The following LHPP variants were observed in gnomAD, a reference collection of about 807,000 sequenced individuals.
LHPP encodes the protein hLHPP.
In LHPP, 24 loss-of-function variants were observed where a neutral mutation model predicts 30.3. The ratio of observed to expected loss-of-function variants is 0.79; its 90% CI spans 0.57 to 1.11. The LOEUF (loss-of-function observed/expected upper bound fraction) is 1.11. LHPP is among the 50% of genes most tolerant of loss of function. The pLI is 0.00. For missense variants in LHPP, 356 were observed against 367.2 expected (o/e 0.97, Z 0.25); for synonymous variants, 150 against 157.1 (o/e 0.95, Z 0.34).
In LHPP at chr10:124,517,367, C is replaced by G. The variant is rs1589821229; in HGVS notation, c.716+96C>G. The G allele has an allele frequency of 1.7e-5, 14 of 817,240 alleles. No homozygotes were observed. The East Asian group carries it at 3.8e-4, about 22-fold the overall frequency. 50.6% of individuals were successfully genotyped at this position (817,240 alleles called of 1,614,324 possible). A position where few individuals can be genotyped will look rare whatever the true frequency, so the allele number is the denominator to read the frequency against. ...CTTCAAAATAAAGGGGATATTCTTT[C>G]CAAATCAAAGAGCAGTATGTGGGCA... On this transcript the variant is annotated intron_variant, in intron 6 of 6. Coordinates refer to ENST00000368842, the MANE Select transcript of LHPP (RefSeq NM_022126.4). The surrounding 1 kb of genome is among the most constrained non-coding windows in gnomAD (Gnocchi z 4.1).
chr10:124,552,042 C>T (rs983189556), intron 6 of LHPP, among the ~76,000 whole-genome samples: 16 of 152,080 alleles, frequency 1.1e-4, no homozygotes, highest in East Asian at 1.9e-4. Flanking sequence ...TTCCAGGCTT[C>T]GTGGGACTTC....
At chr10:124,561,769 TTAAA>T (rs1415759425) in intron 6 of LHPP, among the ~76,000 whole-genome samples, 2 of 151,696 alleles carry the variant, frequency 1.3e-5, no homozygotes, top group African/African-American at 4.8e-5. Flanking sequence ...AAGGGAAGGT[TTAAA>T]TAAGACTCAG....
chr10:124,513,881 A>T (rs1015862376), intron 5 of LHPP, among the ~76,000 whole-genome samples: 2 of 151,824 alleles, frequency 1.3e-5, no homozygotes, highest in African/African-American at 2.4e-5. Flanking sequence ...TTTCAGCCAC[A>T]CTGGCGAGGA....
chr10:124,548,245 G>C (rs1183622161), intron 6 of LHPP, among the ~76,000 whole-genome samples: 3 of 151,606 alleles, frequency 2.0e-5, no homozygotes, highest in Admixed American at 1.3e-4. Context: ...GGGGCCCCAT[G>C]CTGCCTCTGC....
chr10:124,573,594 A>G (rs1948617404), intron 6 of LHPP, among the ~76,000 whole-genome samples: 2 of 152,250 alleles, frequency 1.3e-5, no homozygotes, highest in Admixed American at 1.3e-4. Flanking sequence ...TACAGGCATG[A>G]ACCACTATAT....
At chr10:124,558,480 G>C (rs778120413) in intron 6 of LHPP, among the ~76,000 whole-genome samples, 1 of 152,228 alleles carries the variant, frequency 6.6e-6, no homozygotes, top group South Asian at 2.1e-4. Context: ...CTCTGTCCCC[G>C]CTTGGCGTTG....
intron 1 of LHPP, 70 bp downstream of exon 1, chr10:124,462,057 G>C (rs894649040): frequency 1.7e-6 from 2 of 1,172,402 alleles, no homozygotes; most frequent in African/African-American, 3.2e-5. Flanking sequence ...GCTGCCGGCA[G>C]GGGGCGGGGC....
At chr10:124,558,493 G>A (rs1216299241) in intron 6 of LHPP, among the ~76,000 whole-genome samples, 1 of 152,222 alleles carries the variant, frequency 6.6e-6, no homozygotes, top group Non-Finnish European at 1.5e-5. Flanking sequence ...TGGCGTTGGA[G>A]CGTCTCAGCC....
chr10:124,516,220 A>G (rs12773190), intron 5 of LHPP, among the ~76,000 whole-genome samples: 58,712 of 152,100 alleles, frequency 0.39, 12,426 homozygotes, highest in African/African-American at 0.57. Flanking sequence ...CTCTCTTCCC[A>G]GCTTGTAGAT....
Position 124,603,596 on chromosome 10 carries a change from C to T in LHPP, c.717-9668C>T, listed in dbSNP as rs139900475. 4.1e-3 allele frequency among the ~76,000 whole-genome samples: 631 copies of T among 152,260 alleles called. 6 individuals carry two copies. The highest frequency in any genetic ancestry group is 0.014 in the African/African-American group (597 of 41,546). ...TTTTTCTGCCAAGTGACTTCAAAGC[C>T]GCCCGAGAAGGTCCTGTATGTGTGA... On this transcript the variant is annotated intron_variant, in intron 6 of 6. Coordinates refer to ENST00000368842, the MANE Select transcript of LHPP (RefSeq NM_022126.4).
Position 124,488,515 on chromosome 10 carries a change from A to G in LHPP, c.407A>G (p.Asn136Ser). 6.2e-7 allele frequency: 1 copy of G among 1,614,050 alleles called. No homozygotes were observed. Among genetic ancestry groups the G allele is most frequent in the Non-Finnish European group, 8.5e-7 (1 of 1,180,012 alleles). ...AGESFSYQNM[N>S]NAFQVLMELE... ...GAAAGCTTTTCTTATCAAAACATGA[A>G]TAACGCCTTCCAGGTGCTCATGGAG... is the stretch of plus-strand genomic sequence containing the variant. The change falls in exon 3 of 7, where the codon AAT becomes AGT. Residue 136 changes from asparagine to serine, a missense_variant. Coordinates refer to ENST00000368842, the MANE Select transcript of LHPP (RefSeq NM_022126.4).
chr10:124,485,935 T>C (rs1953311528), intron 2 of LHPP, among the ~76,000 whole-genome samples: 1 of 152,206 alleles, frequency 6.6e-6, no homozygotes, highest in South Asian at 2.1e-4. Flanking sequence ...TCACCTAGAT[T>C]GTCAATGACA....
intron 6 of LHPP, among the ~76,000 whole-genome samples, chr10:124,597,625 C>T (rs181169486): frequency 1.5e-3 from 224 of 152,156 alleles, no homozygotes; most frequent in Admixed American, 0.015. Flanking sequence ...TCTCCTGGGC[C>T]ACTGGGCTAG....
chr10:124,509,334 G>A (rs1954243022), intron 5 of LHPP, among the ~76,000 whole-genome samples: 1 of 152,184 alleles, frequency 6.6e-6, no homozygotes, highest in Non-Finnish European at 1.5e-5. Flanking sequence ...TGATGGAGAT[G>A]AGGCTGCTTC....
At position 124,552,609 on chromosome 10, in the gene LHPP, C is replaced by A. The variant is rs149938273; in HGVS notation, c.716+35338C>A. Among the ~76,000 whole-genome samples the A allele has an allele frequency of 1.3e-3, 195 of 152,242 alleles. 1 individual carries two copies. Among genetic ancestry groups the A allele is most frequent in the African/African-American group, 3.9e-3 (162 of 41,544 alleles). ...ACAGCTCTTAATCCTCCAGCCACTG[C>A]CCCCCAGGCTGGGGCCTGCCAGCCC... On this transcript the variant is annotated intron_variant, in intron 6 of 6. Transcript: ENST00000368842.
chr10:124,588,444 C>T (rs1310249739), intron 6 of LHPP, among the ~76,000 whole-genome samples: 3 of 152,094 alleles, frequency 2.0e-5, no homozygotes, highest in East Asian at 1.9e-4. Context: ...CCACCATGCC[C>T]GGCTAATTTT....
chr10:124,590,335 G>C lies in LHPP; in HGVS notation c.717-22929G>C, dbSNP rs10901776. ...CCACCCTCGACTGCGGGGAAGTGCT[G>C]GAACCCTCCGCACGAGGGCAACCTT... On this transcript the variant is annotated intron_variant, in intron 6 of 6. Coordinates refer to ENST00000368842, the MANE Select transcript of LHPP (RefSeq NM_022126.4). The surrounding 1 kb of genome is among the most constrained non-coding windows in gnomAD (Gnocchi z 4.3). 0.21 allele frequency among the ~76,000 whole-genome samples: 32,107 copies of C among 152,080 alleles called. 3,687 individuals carry two copies. Among genetic ancestry groups the C allele is most frequent in the East Asian group, 0.32 (1,638 of 5,144 alleles).
At chr10:124,569,972 C>T (rs1948558043) in intron 6 of LHPP, among the ~76,000 whole-genome samples, 1 of 152,182 alleles carries the variant, frequency 6.6e-6, no homozygotes, top group South Asian at 2.1e-4. Context: ...CCCCCCGACC[C>T]CAGGTCACCC....
At chr10:124,556,355 C>G (rs954990351) in intron 6 of LHPP, among the ~76,000 whole-genome samples, 5 of 152,210 alleles carry the variant, frequency 3.3e-5, no homozygotes, top group African/African-American at 1.2e-4. Flanking sequence ...GTGCATTCTC[C>G]GGGGCCATCG....
Sources: gnomAD v4.1 joint callset for allele counts (sites outside exome capture counted in the v4.1 genomes callset) on GRCh38, gnomAD v4.1.1 for gene constraint, Gnocchi (gnomAD v3.1) non-coding constraint, MANE v1.5 for transcripts, NCBI Gene and HGNC (gene_info 2026-07-23, HGNC 2026-07-21) for gene names.